TAF1B: variants seen among roughly 807,000 people sequenced by gnomAD.
The protein encoded by TAF1B is TATA box-binding protein-associated factor RNA polymerase I subunit B.
TAF1B carries 61 observed loss-of-function variants against 83.9 expected under a neutral mutation model. The ratio of observed to expected loss-of-function variants is 0.73; its 90% CI spans 0.59 to 0.90. TAF1B has a LOEUF of 0.90. TAF1B is among the 40% of genes least tolerant of loss of function. TAF1B has a pLI of 0.00. For synonymous variants in TAF1B, 221 were observed against 224.6 expected, an observed-to-expected ratio of 0.98 and a Z score of 0.14; for missense variants, 625 against 677.0, an observed-to-expected ratio of 0.92 and a Z score of 0.85.
chr2:9,867,670 C>A (rs1313310158), intron 5 of TAF1B, among the ~76,000 whole-genome samples: 1 of 148,322 alleles, frequency 6.7e-6, no homozygotes, highest in Non-Finnish European at 1.5e-5. Flanking sequence ...AGCCAGCCAG[C>A]TGACCTTTTT....
chr2:9,870,426 G>A (rs1026788704), intron 6 of TAF1B, among the ~76,000 whole-genome samples: 1 of 152,168 alleles, frequency 6.6e-6, no homozygotes, highest in African/African-American at 2.4e-5. Context: ...GGTCGAGGCT[G>A]TAGTGCGCTG....
intron 5 of TAF1B, among the ~76,000 whole-genome samples, chr2:9,862,356 T>C (rs577233311): frequency 4.9e-4 from 75 of 152,074 alleles, no homozygotes; most frequent in African/African-American, 1.8e-3. Context: ...TGATGGAAGA[T>C]GAAATGAATG....
chr2:9,898,927 A>C (rs1026301782), intron 8 of TAF1B, among the ~76,000 whole-genome samples: 2 of 78,574 alleles, frequency 2.5e-5, no homozygotes, highest in African/African-American at 6.3e-5. Flanking sequence ...CATTACTTAC[A>C]TTCCTTTTTT....
intron 6 of TAF1B, among the ~76,000 whole-genome samples, chr2:9,874,581 G>T (rs557245881): frequency 2.0e-5 from 3 of 151,918 alleles, no homozygotes; most frequent in South Asian, 2.1e-4. Flanking sequence ...TCTGCCAATT[G>T]TATTTCTTGT....
chr2:9,886,745 A>G (rs1021043947), intron 8 of TAF1B, among the ~76,000 whole-genome samples: 6 of 152,250 alleles, frequency 3.9e-5, no homozygotes, highest in African/African-American at 1.2e-4. Flanking sequence ...TACATTGCCC[A>G]GAAGCCTAGC....
chr2:9,875,165 T>C (rs886788647), intron 6 of TAF1B, among the ~76,000 whole-genome samples: 3 of 152,038 alleles, frequency 2.0e-5, no homozygotes, highest in Non-Finnish European at 2.9e-5. Flanking sequence ...GATTTCACCA[T>C]GTTGACCAGG....
At chr2:9,843,692 G>C (rs1663099121) in intron 1 of TAF1B, 133 bp downstream of exon 1, 3 of 1,052,690 alleles carry the variant, frequency 2.8e-6, no homozygotes, top group Non-Finnish European at 4.0e-6. Context: ...GCGGAGGGCT[G>C]CAGGGCGGGC....
intron 6 of TAF1B, among the ~76,000 whole-genome samples, chr2:9,873,620 A>ATTTT (rs540990898): frequency 8.5e-6 from 1 of 117,608 alleles, no homozygotes; most frequent in African/African-American, 3.1e-5. Context: ...ATCAAACTGG[A>ATTTT]TTTTTTTTTT....
At chr2:9,932,243 A>T (rs949753769) in intron 14 of TAF1B, among the ~76,000 whole-genome samples, 1 of 152,182 alleles carries the variant, frequency 6.6e-6, no homozygotes, top group Non-Finnish European at 1.5e-5. Flanking sequence ...GGAGGAGAAG[A>T]AGTGCTCCAG....
intron 8 of TAF1B, among the ~76,000 whole-genome samples, chr2:9,897,023 T>G (rs1012618855): frequency 6.6e-6 from 1 of 152,258 alleles, no homozygotes; most frequent in African/African-American, 2.4e-5. Flanking sequence ...TTTTTCTGCC[T>G]CTGCCTCTTC....
At chr2:9,888,807 T>TTTTTG (rs1664769986) in intron 8 of TAF1B, among the ~76,000 whole-genome samples, 3 of 144,726 alleles carry the variant, frequency 2.1e-5, no homozygotes, top group African/African-American at 7.8e-5. Flanking sequence ...TTTTTTTTTT[T>TTTTTG]TTTTTTTTTT....
At chr2:9,904,719 G>A (rs1665288281) in intron 8 of TAF1B, 140 bp from the exon 9 acceptor site, 2 of 777,348 alleles carry the variant, frequency 2.6e-6, no homozygotes, top group Non-Finnish European at 4.0e-6. Context: ...CAGTGCATAA[G>A]TGTTCCTTTT....
At position 9,934,228 on chromosome 2, in the gene TAF1B, A is replaced by G. The variant is rs1206277771; in HGVS notation, c.*244A>G. On this transcript the variant is annotated 3_prime_UTR_variant, in exon 15 of 15. Coordinates refer to ENST00000263663, the MANE Select transcript of TAF1B (RefSeq NM_005680.3). ...AAGTTAAAACAATAGCAAATTGTAT[A>G]ATTGTATCCAGAAATGTATACTCAT... 1 of 369,418 alleles carries G rather than the reference A, an allele frequency of 2.7e-6. No individual in the cohort carries two copies. Among genetic ancestry groups the G allele is most frequent in the Non-Finnish European group, 4.9e-6 (1 of 204,400 alleles). 22.9% of individuals were successfully genotyped at this position (369,418 alleles called of 1,614,324 possible). A position where few individuals can be genotyped will look rare whatever the true frequency, so the allele number is the denominator to read the frequency against.
intron 6 of TAF1B, among the ~76,000 whole-genome samples, chr2:9,870,472 G>A (rs547142310): frequency 6.6e-6 from 1 of 152,292 alleles, no homozygotes; most frequent in South Asian, 2.1e-4. Flanking sequence ...GGCCGACGGA[G>A]CAAAACCTTG....
At chr2:9,901,092 T>C (rs971358100) in intron 8 of TAF1B, among the ~76,000 whole-genome samples, 8 of 152,186 alleles carry the variant, frequency 5.3e-5, no homozygotes, top group Non-Finnish European at 1.0e-4. Context: ...TGCTAACATA[T>C]ATTCATCATA....
In TAF1B at chr2:9,910,945, A is replaced by T; in HGVS notation, c.1133+32A>T. 3 of 1,571,722 alleles carry T rather than the reference A, an allele frequency of 1.9e-6. No homozygotes were observed. In the South Asian group the frequency reaches 3.5e-5, roughly 18 times the overall value. On this transcript the variant is annotated intron_variant, in intron 10 of 14. Coordinates refer to ENST00000263663, the MANE Select transcript of TAF1B (RefSeq NM_005680.3). The stretch of plus-strand genomic sequence containing the variant: ...GTACGTCAATTTTATGACAAGTAAC[A>T]TTTTATGGTGCTGATCTTAGTTTTT...
rs192315607 is a variant in TAF1B at position 9,933,079 on chromosome 2, A to G, written c.1566-704A>G. On this transcript the variant is annotated intron_variant, in intron 14 of 14. Transcript: ENST00000263663. ...CCCGATTTTCCAGGTACAGTCTGTC[A>G]TGGCTTCCCTTGGCTAGGAAAGGGA... Among the ~76,000 whole-genome samples the G allele has an allele frequency of 8.1e-4, 124 of 152,318 alleles. 1 individual carries two copies. The highest frequency in any genetic ancestry group is 1.5e-3 in the Non-Finnish European group (105 of 68,024).
chr2:9,846,007 C>T (rs1031761045), intron 2 of TAF1B: 2 of 464,124 alleles, frequency 4.3e-6, no homozygotes, highest in Non-Finnish European at 8.9e-6. Context: ...AGCTTGAGGA[C>T]TGTTGGGAAT....
intron 11 of TAF1B, among the ~76,000 whole-genome samples, chr2:9,912,817 C>T (rs1361073422): frequency 1.3e-5 from 2 of 152,194 alleles, no homozygotes; most frequent in Non-Finnish European, 2.9e-5. Flanking sequence ...TCTTACAGTT[C>T]TTTCGGTAGT....
Sources: gnomAD v4.1 joint callset for allele counts (sites outside exome capture counted in the v4.1 genomes callset) on GRCh38, gnomAD v4.1.1 for gene constraint, MANE v1.5 for transcripts, NCBI Gene and HGNC (gene_info 2026-07-23, HGNC 2026-07-21) for gene names.